The following NMNAT2 variants were observed in gnomAD, a reference collection of about 807,000 sequenced individuals.
NMNAT2 encodes nicotinamide nucleotide adenylyltransferase 2.
A neutral mutation model predicts 41.6 loss-of-function variants in NMNAT2; 11 were observed. That is an observed-to-expected ratio of 0.26 (90% CI 0.17 to 0.44). The LOEUF is 0.44. Ranked by LOEUF, NMNAT2 falls within the 20% of genes least tolerant of loss-of-function variation. The pLI is 1.00. For missense variants in NMNAT2, 288 were observed against 407.7 expected (o/e 0.71, Z 2.53); for synonymous variants, 148 against 151.2 (o/e 0.98, Z 0.16).
intron 8 of NMNAT2, among the ~76,000 whole-genome samples, chr1:183,274,414 C>T (rs1336787700): frequency 6.6e-6 from 1 of 151,974 alleles, no homozygotes; most frequent in Admixed American, 6.5e-5. Flanking sequence ...CGGGTTCAAG[C>T]GATTCTCCTG....
intron 1 of NMNAT2, among the ~76,000 whole-genome samples, chr1:183,334,293 C>T (rs1280915850): frequency 6.6e-6 from 1 of 152,096 alleles, no homozygotes. Context: ...TCTCAGACTC[C>T]TGACCTCAGG....
intron 8 of NMNAT2, among the ~76,000 whole-genome samples, chr1:183,271,847 G>T (rs1214351012): frequency 6.6e-6 from 1 of 152,062 alleles, no homozygotes; most frequent in Non-Finnish European, 1.5e-5. Flanking sequence ...GCACCTCCCG[G>T]GTTCAAGCAA....
intron 8 of NMNAT2, among the ~76,000 whole-genome samples, chr1:183,275,065 C>T (rs1326546024): frequency 6.6e-6 from 1 of 152,028 alleles, no homozygotes; most frequent in Non-Finnish European, 1.5e-5. Context: ...GAGCAGGGCA[C>T]CTTTGACTTC....
intron 1 of NMNAT2, among the ~76,000 whole-genome samples, chr1:183,377,960 A>G (rs1303049454): frequency 1.3e-5 from 2 of 152,378 alleles, no homozygotes; most frequent in East Asian, 3.9e-4. Flanking sequence ...ACAGAAACAG[A>G]GATAAAAATG....
At chr1:183,380,829 CT>C (rs1663788414) in intron 1 of NMNAT2, among the ~76,000 whole-genome samples, 1 of 152,186 alleles carries the variant, frequency 6.6e-6, no homozygotes, top group Admixed American at 6.5e-5. Flanking sequence ...GAGAAATGAG[CT>C]GCTTGTCACC....
chr1:183,304,996 G>T, intron 1 of NMNAT2: 1 of 621,972 alleles, frequency 1.6e-6, no homozygotes, highest in Non-Finnish European at 2.4e-6. Context: ...CTCCGGAAGT[G>T]TGGCCTCTGT....
rs145709338 is a variant in NMNAT2 at position 183,251,384 on chromosome 1, T to A, written c.*1257A>T. ...ATCAGTTATCATCAGGGCAACAAATTGCTTTCTCCTAGTTCATCCTGGACT... is the reference window on the plus strand; with the variant it reads ...ATCAGTTATCATCAGGGCAACAAATAGCTTTCTCCTAGTTCATCCTGGACT... On this transcript the variant is annotated 3_prime_UTR_variant, in exon 11 of 11. Coordinates refer to ENST00000287713, the MANE Select transcript of NMNAT2 (RefSeq NM_015039.4). 1.3e-5 allele frequency: 2 copies of A among 152,388 alleles called. No individual in the cohort carries two copies. Among genetic ancestry groups the A allele is most frequent in the Non-Finnish European group, 1.5e-5 (1 of 68,074 alleles). 9.4% of individuals were successfully genotyped at this position (152,388 alleles called of 1,614,324 possible). A position where few individuals can be genotyped will look rare whatever the true frequency, so the allele number is the denominator to read the frequency against.
rs185337172 is a variant in NMNAT2, at chr1:183,307,774, G to T, written c.86-13981C>A. On this transcript the variant is annotated intron_variant, in intron 1 of 10. Transcript: ENST00000287713. ...GTTTTGTATTTTTAGTGGAGTCGGG[G>T]TTTCAACATTTTGGCCAGTCTGGTC... is the stretch of plus-strand genomic sequence containing the variant. Among the ~76,000 whole-genome samples the T allele has an allele frequency of 3.9e-5, 6 of 152,262 alleles. No individual in the cohort carries two copies. The East Asian group carries it at 1.2e-3, about 29-fold the overall frequency.
chr1:183,271,749 T>C (rs115439522), intron 8 of NMNAT2, among the ~76,000 whole-genome samples: 2,054 of 152,236 alleles, frequency 0.013, 24 homozygotes, highest in African/African-American at 0.029. Flanking sequence ...TGAATCAGAA[T>C]TATTTTTTTC....
At chr1:183,383,397 C>T (rs2101917083) in intron 1 of NMNAT2, among the ~76,000 whole-genome samples, 1 of 152,364 alleles carries the variant, frequency 6.6e-6, no homozygotes, top group Admixed American at 6.5e-5. Context: ...CACTAGACTC[C>T]TCATTACTTG....
rs1171474599 is a variant in NMNAT2 at position 183,300,405 on chromosome 1, A to G, written c.86-6612T>C. On this transcript the variant is annotated intron_variant, in intron 1 of 10. Coordinates refer to ENST00000287713, the MANE Select transcript of NMNAT2 (RefSeq NM_015039.4). The stretch of plus-strand genomic sequence containing the variant: ...TGACAGAGCCAGACTCTGAGACTCC[A>G]TCTAAAAAAAAGAAAAAAAAAAAAA... Among the ~76,000 whole-genome samples, 5 of 130,166 alleles carry G rather than the reference A, an allele frequency of 3.8e-5. No homozygotes were observed. In the East Asian group the frequency reaches 1.3e-3, roughly 33 times the overall value. 85.4% of individuals were successfully genotyped at this position (130,166 alleles called of 152,430 possible).
chr1:183,402,537 C>T (rs1453910130), intron 1 of NMNAT2, among the ~76,000 whole-genome samples: 1 of 152,194 alleles, frequency 6.6e-6, no homozygotes, highest in African/African-American at 2.4e-5. Context: ...TGGTTCTCCT[C>T]AAACGCTGCT....
intron 1 of NMNAT2, among the ~76,000 whole-genome samples, chr1:183,295,160 T>C (rs767527205): frequency 6.6e-6 from 1 of 151,984 alleles, no homozygotes; most frequent in Admixed American, 6.6e-5. Flanking sequence ...TGAGCCACCA[T>C]GGTTGGCTAA....
chr1:183,292,418 T>A lies in NMNAT2; in HGVS notation c.242+372A>T, dbSNP rs551109661. ...ATTGTCAAGGTGAGGGAACATTCCC[T>A]GAAAGGTAGTGAGGGTTCGCGGAAG... is the stretch of plus-strand genomic sequence containing the variant. On this transcript the variant is annotated intron_variant, in intron 3 of 10. Coordinates refer to ENST00000287713, the MANE Select transcript of NMNAT2 (RefSeq NM_015039.4). 5.9e-5 allele frequency among the ~76,000 whole-genome samples: 9 copies of A among 152,294 alleles called. No individual in the cohort carries two copies. In the East Asian group the frequency reaches 1.5e-3, roughly 26 times the overall value.
intron 1 of NMNAT2, among the ~76,000 whole-genome samples, chr1:183,409,997 T>C (rs1284765087): frequency 6.6e-6 from 1 of 152,088 alleles, no homozygotes; most frequent in Non-Finnish European, 1.5e-5. Flanking sequence ...CAATGTACAA[T>C]GGTTCCATTT....
chr1:183,377,946 A>G (rs990887447), intron 1 of NMNAT2, among the ~76,000 whole-genome samples: 1 of 152,248 alleles, frequency 6.6e-6, no homozygotes, highest in African/African-American at 2.4e-5. Context: ...TAGAAATCAA[A>G]AACACAGAAA....
chr1:183,286,828 T>C, intron 4 of NMNAT2, 40 bp from the exon 5 acceptor site: 1 of 1,587,190 alleles, frequency 6.3e-7, no homozygotes, highest in Non-Finnish European at 8.6e-7. Context: ...CATGTGACTT[T>C]GAGAATCGTT....
intron 1 of NMNAT2, among the ~76,000 whole-genome samples, chr1:183,406,440 G>T (rs1399866473): frequency 6.6e-6 from 1 of 152,162 alleles, no homozygotes; most frequent in South Asian, 2.1e-4. Context: ...GAAGCCCACT[G>T]TCAGCTCGAT....
At chr1:183,292,982 A>C in intron 2 of NMNAT2, 125 bp from the exon 3 acceptor site, 1 of 849,392 alleles carries the variant, frequency 1.2e-6, no homozygotes, top group Non-Finnish European at 1.9e-6. Flanking sequence ...GGAATGAAGA[A>C]TGTGACCCCT....
Sources: gnomAD v4.1 joint callset for allele counts (sites outside exome capture counted in the v4.1 genomes callset) on GRCh38, gnomAD v4.1.1 for gene constraint, MANE v1.5 for transcripts, NCBI Gene and HGNC (gene_info 2026-07-23, HGNC 2026-07-21) for gene names.